Variants in HMGA2 observed in about 807,000 individuals in gnomAD.
The protein encoded by HMGA2 is high mobility group AT-hook 2, also known as high mobility group protein HMGI-C.
In HMGA2, 8 loss-of-function variants were observed where a neutral mutation model predicts 19.1. The ratio of observed to expected loss-of-function variants is 0.42; its 90% CI spans 0.25 to 0.76. The LOEUF is 0.76. Ranked by LOEUF, HMGA2 falls within the 30% of genes least tolerant of loss-of-function variation. The probability of loss-of-function intolerance (pLI) is 0.28; values close to 1 mark genes in which losing one functional copy is unlikely to be tolerated. For synonymous variants in HMGA2, 60 were observed against 48.8 expected (o/e 1.23, Z -0.96); for missense variants, 109 against 136.3 (o/e 0.80, Z 1.00).
intron 3 of HMGA2, among the ~76,000 whole-genome samples, chr12:65,945,039 A>AT (rs879626036): frequency 1.5e-3 from 212 of 144,530 alleles, no homozygotes; most frequent in Admixed American, 3.2e-3. Context: ...TAGCCCTAAG[A>AT]TTTTTTTTTT....
chr12:65,889,610 T>C (rs1343175084), intron 3 of HMGA2, among the ~76,000 whole-genome samples: 1 of 152,226 alleles, frequency 6.6e-6, no homozygotes, highest in Non-Finnish European at 1.5e-5. Flanking sequence ...AATTGGGCTT[T>C]GACTTTAAAG....
intron 2 of HMGA2, among the ~76,000 whole-genome samples, chr12:65,829,451 A>G (rs1038714364): frequency 1.3e-5 from 2 of 152,044 alleles, no homozygotes; most frequent in Non-Finnish European, 2.9e-5. Flanking sequence ...TTTATAAATT[A>G]ACTAAAATGG....
rs1870139352 is a variant in HMGA2, at chr12:65,825,794, T to G, written c.111+413T>G. ...AAGGAGGTGCCGGGGACCCGGGCGC[T>G]TCGGCCGATCTGGGCTGAAGGGGCT... On this transcript the variant is annotated intron_variant, in intron 1 of 4. Transcript: ENST00000403681. This position sits in a 1 kb window ranked among gnomAD's most constrained non-coding sequence, Gnocchi z 4.4. 6.6e-6 allele frequency among the ~76,000 whole-genome samples: 1 copy of G among 151,988 alleles called. No homozygotes were observed. Among genetic ancestry groups the G allele is most frequent in the Admixed American group, 6.5e-5 (1 of 15,276 alleles).
At chr12:65,851,833 G>A (rs139644899) in intron 3 of HMGA2, among the ~76,000 whole-genome samples, 41 of 152,242 alleles carry the variant, frequency 2.7e-4, no homozygotes, top group South Asian at 1.5e-3. Flanking sequence ...GGAACACTAC[G>A]TTCGTGATGA....
intron 3 of HMGA2, among the ~76,000 whole-genome samples, chr12:65,845,173 A>G (rs1356488756): frequency 6.6e-6 from 1 of 152,200 alleles, no homozygotes; most frequent in Non-Finnish European, 1.5e-5. Flanking sequence ...TTTTTTAACT[A>G]GGTAAACAAG....
At chr12:65,960,666 C>T (rs1876727658) in intron 4 of HMGA2, among the ~76,000 whole-genome samples, 1 of 152,200 alleles carries the variant, frequency 6.6e-6, no homozygotes, top group East Asian at 1.9e-4. Context: ...ATGTGAGAGC[C>T]ACATTGCCTC....
chr12:65,937,906 T>C (rs1362338134), intron 3 of HMGA2, among the ~76,000 whole-genome samples: 1 of 152,212 alleles, frequency 6.6e-6, no homozygotes, highest in Non-Finnish European at 1.5e-5. Flanking sequence ...TAGTAAAATG[T>C]GCAAAGCCAA....
Position 65,905,093 on chromosome 12 carries a change from C to T in HMGA2, c.250-46290C>T, listed in dbSNP as rs117466126. Among the ~76,000 whole-genome samples the T allele has an allele frequency of 3.5e-3, 528 of 151,922 alleles. 3 individuals carry two copies. The highest frequency in any genetic ancestry group is 9.1e-3 in the Admixed American group (139 of 15,264). On this transcript the variant is annotated intron_variant, in intron 3 of 4. Coordinates refer to ENST00000403681, the MANE Select transcript of HMGA2 (RefSeq NM_003483.6). ...CAGATAAATAGAAAGTCATTTATAT[C>T]AGTCTTTGAAATGCATGTCCTAATT...
chr12:65,845,247 A>T (rs1235186701), intron 3 of HMGA2, among the ~76,000 whole-genome samples: 1 of 151,986 alleles, frequency 6.6e-6, no homozygotes, highest in Non-Finnish European at 1.5e-5. Context: ...CTGCTTTTAT[A>T]AGCGTTTTTG....
chr12:65,861,557 C>T (rs343094), intron 3 of HMGA2, among the ~76,000 whole-genome samples: 1 of 145,366 alleles, frequency 6.9e-6, no homozygotes, highest in Admixed American at 6.9e-5. Context: ...AATTACTTTT[C>T]TTTTTCAAAA....
chr12:65,949,089 G>A (rs769938729), intron 3 of HMGA2, among the ~76,000 whole-genome samples: 8 of 152,062 alleles, frequency 5.3e-5, no homozygotes, highest in Non-Finnish European at 7.4e-5. Flanking sequence ...ATTAGCCCAC[G>A]CTTTTGTGTC....
intron 3 of HMGA2, among the ~76,000 whole-genome samples, chr12:65,878,068 G>A (rs1873146619): frequency 6.6e-6 from 1 of 152,172 alleles, no homozygotes; most frequent in African/African-American, 2.4e-5. Flanking sequence ...ACACTTTTGT[G>A]TTATACTGTT....
intron 3 of HMGA2, among the ~76,000 whole-genome samples, chr12:65,869,512 A>G (rs1872599957): frequency 2.6e-5 from 4 of 152,210 alleles, no homozygotes. Flanking sequence ...TAGGGATCAT[A>G]GTGAACCACC....
At position 65,825,686 on chromosome 12, in the gene HMGA2, G is replaced by A. The variant is rs968488604; in HGVS notation, c.111+305G>A. Reference sequence around the variant, plus strand: ...GCACGGCCCCGAGTGGCGCGGTGTCGCCCAGTGACTGGAAGCGACCGGGAT... The same window carrying A: ...GCACGGCCCCGAGTGGCGCGGTGTCACCCAGTGACTGGAAGCGACCGGGAT... On this transcript the variant is annotated intron_variant, in intron 1 of 4. Coordinates refer to ENST00000403681, the MANE Select transcript of HMGA2 (RefSeq NM_003483.6). This position sits in a 1 kb window ranked among gnomAD's most constrained non-coding sequence, Gnocchi z 4.4. Among the ~76,000 whole-genome samples, 2 of 152,084 alleles carry A rather than the reference G, an allele frequency of 1.3e-5. No homozygotes were observed. The highest frequency in any genetic ancestry group is 4.8e-5 in the African/African-American group (2 of 41,428).
intron 3 of HMGA2, among the ~76,000 whole-genome samples, chr12:65,852,684 G>T (rs1871535133): frequency 6.6e-6 from 1 of 151,956 alleles, no homozygotes; most frequent in South Asian, 2.1e-4. Flanking sequence ...TGGTTGAAAG[G>T]CTAAAACTGA....
chr12:65,870,709 G>C (rs1872668996), intron 3 of HMGA2, among the ~76,000 whole-genome samples: 1 of 152,222 alleles, frequency 6.6e-6, no homozygotes, highest in South Asian at 2.1e-4. Flanking sequence ...AGCCTGGGCA[G>C]GGGGAGACTC....
At chr12:65,951,194 G>A (rs986777917) in intron 3 of HMGA2, among the ~76,000 whole-genome samples, 189 bp from the exon 4 acceptor site, 1 of 152,106 alleles carries the variant, frequency 6.6e-6, no homozygotes. Flanking sequence ...CTCCCAAAGC[G>A]CTGGGATTAT....
At chr12:65,923,580 T>C (rs1401184527) in intron 3 of HMGA2, among the ~76,000 whole-genome samples, 1 of 152,170 alleles carries the variant, frequency 6.6e-6, no homozygotes, top group Non-Finnish European at 1.5e-5. Flanking sequence ...TAGTGAATAA[T>C]GGAAGCTCCT....
chr12:65,862,581 C>T (rs1475667162), intron 3 of HMGA2, among the ~76,000 whole-genome samples: 1 of 152,090 alleles, frequency 6.6e-6, no homozygotes, highest in Non-Finnish European at 1.5e-5. Flanking sequence ...TCTTATACTA[C>T]AAAAATTAAA....
Sources: gnomAD v4.1 joint callset for allele counts (sites outside exome capture counted in the v4.1 genomes callset) on GRCh38, gnomAD v4.1.1 for gene constraint, Gnocchi (gnomAD v3.1) non-coding constraint, MANE v1.5 for transcripts, NCBI Gene and HGNC (gene_info 2026-07-23, HGNC 2026-07-21) for gene names.